SDHAF3: variants seen among roughly 807,000 people sequenced by gnomAD.
SDHAF3 encodes succinate dehydrogenase assembly factor 3, mitochondrial.
In SDHAF3, 18 loss-of-function variants were observed where a neutral mutation model predicts 11.5. The ratio of observed to expected loss-of-function variants is 1.56; its 90% CI spans 1.08 to 2.32. The LOEUF (loss-of-function observed/expected upper bound fraction) is 2.32, where lower values mean the gene tolerates loss of function less well. SDHAF3 is among the 30% of genes most tolerant of loss of function. The pLI, the probability that SDHAF3 is intolerant of heterozygous loss-of-function variation, is 0.00. For synonymous variants in SDHAF3, 72 were observed against 59.3 expected (o/e 1.21, Z -0.99); for missense variants, 200 against 154.4 (o/e 1.30, Z -1.57).
At chr7:97,136,497 T>C (rs1046550853) in intron 1 of SDHAF3, 2 of 606,622 alleles carry the variant, frequency 3.3e-6, no homozygotes, top group African/African-American at 1.8e-5. Context: ...TTATTTTAGT[T>C]CCACTTTTTT....
chr7:97,140,195 T>C (rs531602353), intron 1 of SDHAF3, among the ~76,000 whole-genome samples: 2 of 152,330 alleles, frequency 1.3e-5, no homozygotes, highest in Non-Finnish European at 2.9e-5. Context: ...AATGTTTTAC[T>C]GTCTTTGTCT....
At chr7:97,180,275 A>C (rs574433504) in intron 1 of SDHAF3, among the ~76,000 whole-genome samples, 1 of 152,226 alleles carries the variant, frequency 6.6e-6, no homozygotes. Context: ...GATGTGTTAC[A>C]TGTCACCGTG....
At chr7:97,164,796 A>G (rs891542873) in intron 1 of SDHAF3, among the ~76,000 whole-genome samples, 7 of 152,170 alleles carry the variant, frequency 4.6e-5, no homozygotes, top group African/African-American at 1.4e-4. Context: ...TGATCTACCA[A>G]TGTGGGGATG....
chr7:97,150,361 A>G (rs910533664), intron 1 of SDHAF3, among the ~76,000 whole-genome samples: 2 of 152,186 alleles, frequency 1.3e-5, no homozygotes, highest in African/African-American at 4.8e-5. Flanking sequence ...ATCACTATCT[A>G]TGTCAGCTAT....
chr7:97,148,503 C>T (rs1373588611), intron 1 of SDHAF3, among the ~76,000 whole-genome samples: 1 of 152,188 alleles, frequency 6.6e-6, no homozygotes, highest in Non-Finnish European at 1.5e-5. Context: ...CCCTACTGTA[C>T]TCCAGCCTGG....
At chr7:97,163,600 T>G (rs1789450471) in intron 1 of SDHAF3, among the ~76,000 whole-genome samples, 1 of 152,244 alleles carries the variant, frequency 6.6e-6, no homozygotes, top group African/African-American at 2.4e-5. Flanking sequence ...CTTGACTCTT[T>G]ATCCAGTTTG....
chr7:97,145,740 G>A (rs1049045578), intron 1 of SDHAF3, among the ~76,000 whole-genome samples: 2 of 152,112 alleles, frequency 1.3e-5, no homozygotes, highest in Admixed American at 1.3e-4. Context: ...TCGCTGTCAA[G>A]TGTTCTCTTA....
chr7:97,168,479 C>T (rs1325569049), intron 1 of SDHAF3, among the ~76,000 whole-genome samples: 5 of 152,150 alleles, frequency 3.3e-5, no homozygotes, highest in Non-Finnish European at 7.3e-5. Flanking sequence ...TCAACCTGTG[C>T]CCAGGAATGA....
chr7:97,138,106 C>T (rs931644980), intron 1 of SDHAF3, among the ~76,000 whole-genome samples: 10 of 151,526 alleles, frequency 6.6e-5, no homozygotes, highest in South Asian at 4.2e-4. Flanking sequence ...GTGATCCACC[C>T]GCCTTGGCCT....
chr7:97,179,235 G>A (rs1428582265), intron 1 of SDHAF3, among the ~76,000 whole-genome samples: 1 of 152,130 alleles, frequency 6.6e-6, no homozygotes, highest in Admixed American at 6.6e-5. Context: ...GTTTAATGTG[G>A]CTTTCTAGTT....
At chr7:97,158,951 CTTTT>C (rs1224301678) in intron 1 of SDHAF3, among the ~76,000 whole-genome samples, 2 of 151,830 alleles carry the variant, frequency 1.3e-5, no homozygotes, top group African/African-American at 4.8e-5. Context: ...CTGTTTTTTT[CTTTT>C]TTCTGTTTAC....
At chr7:97,162,550 C>G (rs139605829) in intron 1 of SDHAF3, among the ~76,000 whole-genome samples, 210 of 152,318 alleles carry the variant, frequency 1.4e-3, no homozygotes, top group African/African-American at 4.9e-3. Context: ...TCCCTCTACA[C>G]ACTGCTTTAA....
chr7:97,141,917 TAGATGTTCAGTA>T, intron 1 of SDHAF3, among the ~76,000 whole-genome samples: 1 of 152,062 alleles, frequency 6.6e-6, no homozygotes. Context: ...TATGTTTTAA[TAGATGTTCAGTA>T]AGTCTTTTTC....
intron 1 of SDHAF3, among the ~76,000 whole-genome samples, chr7:97,156,784 CT>C (rs145618825): frequency 0.16 from 23,631 of 151,842 alleles, 2,157 homozygotes; most frequent in Non-Finnish European, 0.21. Context: ...AAAAAAATTT[CT>C]TTTTTAATGT....
intron 1 of SDHAF3, among the ~76,000 whole-genome samples, chr7:97,161,679 T>C (rs1037555509): frequency 8.6e-5 from 13 of 152,038 alleles, no homozygotes; most frequent in African/African-American, 3.1e-4. Context: ...AGTGAGAACA[T>C]GTGGTGTTTG....
intron 1 of SDHAF3, among the ~76,000 whole-genome samples, chr7:97,119,324 T>C (rs1254690748): frequency 2.0e-5 from 3 of 152,066 alleles, no homozygotes; most frequent in Non-Finnish European, 4.4e-5. Flanking sequence ...GAAGCCTCTT[T>C]GGGAAAAAGT....
At chr7:97,174,915 T>C (rs527728828) in intron 1 of SDHAF3, among the ~76,000 whole-genome samples, 48 of 152,366 alleles carry the variant, frequency 3.2e-4, no homozygotes, top group Non-Finnish European at 5.9e-4. Flanking sequence ...TGAATCATGC[T>C]GATTGCATTC....
At chr7:97,156,929 G>A (rs560152427) in intron 1 of SDHAF3, among the ~76,000 whole-genome samples, 90 of 152,040 alleles carry the variant, frequency 5.9e-4, no homozygotes, top group Non-Finnish European at 1.1e-3. Flanking sequence ...CCATCAACTC[G>A]TCATTTACAT....
At chr7:97,121,825 A>C (rs1442705162) in intron 1 of SDHAF3, among the ~76,000 whole-genome samples, 2 of 151,088 alleles carry the variant, frequency 1.3e-5, no homozygotes, top group African/African-American at 4.9e-5. Flanking sequence ...GGTAAGAAAC[A>C]GTATGAGGTT....
Sources: gnomAD v4.1 joint callset for allele counts (sites outside exome capture counted in the v4.1 genomes callset) on GRCh38, gnomAD v4.1.1 for gene constraint, MANE v1.5 for transcripts, NCBI Gene and HGNC (gene_info 2026-07-23, HGNC 2026-07-21) for gene names.